The following THAP4 variants were observed in gnomAD, a reference collection of about 807,000 sequenced individuals.
THAP4 encodes the protein peroxynitrite isomerase THAP4.
In THAP4, 18 loss-of-function variants were observed where a neutral mutation model predicts 48.1. The observed-to-expected ratio is 0.37, with a 90% CI of 0.26 to 0.56. THAP4 has a LOEUF of 0.56. Among genes scored for constraint, THAP4 ranks in the 20% least tolerant of loss-of-function variants. The probability of loss-of-function intolerance (pLI) is 0.78; values close to 1 mark genes in which losing one functional copy is unlikely to be tolerated. For synonymous variants in THAP4, 345 were observed against 324.9 expected, an observed-to-expected ratio of 1.06 and a Z score of -0.66; for missense variants, 656 against 774.9, an observed-to-expected ratio of 0.85 and a Z score of 1.82.
chr2:241,589,511 G>A (rs1421390970), intron 5 of THAP4, among the ~76,000 whole-genome samples: 2 of 152,180 alleles, frequency 1.3e-5, no homozygotes, highest in Non-Finnish European at 1.5e-5. Flanking sequence ...TACTCAGCAG[G>A]GAAGTGCAAA....
chr2:241,613,343 G>A (rs957010033), intron 2 of THAP4, among the ~76,000 whole-genome samples: 2 of 151,680 alleles, frequency 1.3e-5, no homozygotes, highest in East Asian at 1.9e-4. Flanking sequence ...ATGCCTGGTC[G>A]TACAGGCATG....
chr2:241,588,647 C>T (rs958393251), intron 5 of THAP4, among the ~76,000 whole-genome samples: 10 of 152,180 alleles, frequency 6.6e-5, no homozygotes, highest in South Asian at 2.1e-4. Flanking sequence ...AGTTGATTTT[C>T]GACAAAAGCA....
At chr2:241,594,949 T>C (rs1484228381) in intron 5 of THAP4, among the ~76,000 whole-genome samples, 2 of 152,144 alleles carry the variant, frequency 1.3e-5, no homozygotes, top group African/African-American at 4.8e-5. Context: ...GGGTACACAG[T>C]GCTGTGAACA....
rs199732559 is a variant in THAP4, at chr2:241,633,531, C to T, written c.626G>A (p.Gly209Asp). The part of the protein sequence containing the change: ...DESATSSIEG[G>D]VTDKSGISMD... ...AGAAATGCCACTCTTATCTGTCACGCCCCCTTCGATGGAGGAAGTGGCGCT... is the reference window on the plus strand; with the variant it reads ...AGAAATGCCACTCTTATCTGTCACGTCCCCTTCGATGGAGGAAGTGGCGCT... The change falls in exon 2 of 6, where the codon GGC becomes GAC. Residue 209 changes from glycine (G) to aspartate (D), a missense_variant. This residue lies in a region of THAP4 where 391 missense variants were observed against 412.4 expected (regional missense o/e 0.95). Transcript: ENST00000407315. The surrounding 1 kb of genome is among the most constrained non-coding windows in gnomAD (Gnocchi z 7.5). The T allele has an allele frequency of 3.9e-5, 63 of 1,614,110 alleles. 2 individuals are homozygous for T. The South Asian group carries it at 4.7e-4, about 12-fold the overall frequency.
At position 241,601,253 on chromosome 2, in the gene THAP4, G is replaced by C. The variant is rs2067109707; in HGVS notation, c.1614+643C>G. Among the ~76,000 whole-genome samples the C allele has an allele frequency of 6.6e-6, 1 of 152,178 alleles. No homozygotes were observed. Among genetic ancestry groups the C allele is most frequent in the Non-Finnish European group, 1.5e-5 (1 of 68,026 alleles). ...AGATCCCACCTTTGCATTCCAGCCT[G>C]GGCAACAGAGCGAAACTCCGCCTCA... On this transcript the variant is annotated intron_variant, in intron 5 of 5. Transcript: ENST00000407315. The surrounding 1 kb of genome is among the most constrained non-coding windows in gnomAD (Gnocchi z 4.0).
chr2:241,589,954 A>C (rs2066937351), intron 5 of THAP4, among the ~76,000 whole-genome samples: 1 of 151,732 alleles, frequency 6.6e-6, no homozygotes, highest in Non-Finnish European at 1.5e-5. Context: ...ACTGATGATA[A>C]TGATGGGCAC....
At chr2:241,593,267 A>G (rs964746235) in intron 5 of THAP4, among the ~76,000 whole-genome samples, 2 of 152,112 alleles carry the variant, frequency 1.3e-5, no homozygotes, top group Admixed American at 6.5e-5. Flanking sequence ...AATAAAATAA[A>G]AAGTAAAAAA....
chr2:241,593,172 G>A (rs893253390), intron 5 of THAP4, among the ~76,000 whole-genome samples: 3 of 152,136 alleles, frequency 2.0e-5, no homozygotes, highest in Non-Finnish European at 2.9e-5. Context: ...TTGAGCCCAC[G>A]AGGTGCAGGC....
chr2:241,634,871 A>G (rs1446665660), intron 1 of THAP4, among the ~76,000 whole-genome samples: 1 of 152,224 alleles, frequency 6.6e-6, no homozygotes, highest in African/African-American at 2.4e-5. Context: ...AGGACATTAT[A>G]CTGAATGAAA....
chr2:241,584,778 A>G lies in THAP4; in HGVS notation c.1615-53T>C, dbSNP rs755125694. On this transcript the variant is annotated intron_variant, in intron 5 of 5. Transcript: ENST00000407315. ...CTTAGTTTTATCTTCAAAAGATTCA[A>G]TCAATGCCTGTGCGCCCACTGCATG... 9.3e-6 allele frequency: 15 copies of G among 1,610,834 alleles called. No homozygotes were observed. The Admixed American group carries it at 1.5e-4, about 16-fold the overall frequency.
chr2:241,616,654 A>T lies in THAP4; in HGVS notation c.1241-10181T>A, dbSNP rs2067352638. Among the ~76,000 whole-genome samples, 1 of 152,270 alleles carries T rather than the reference A, an allele frequency of 6.6e-6. No homozygotes were observed. Among genetic ancestry groups the T allele is most frequent in the Admixed American group, 6.5e-5 (1 of 15,288 alleles). On this transcript the variant is annotated intron_variant, in intron 2 of 5. Coordinates refer to ENST00000407315, the MANE Select transcript of THAP4 (RefSeq NM_015963.6). This position sits in a 1 kb window ranked among gnomAD's most constrained non-coding sequence, Gnocchi z 4.6. ...AGCACTTATGTGGCAATTTCTTTTT[A>T]AAAAACTAGAGAATTCTAAGATAGC...
chr2:241,593,328 G>A (rs950206834), intron 5 of THAP4, among the ~76,000 whole-genome samples: 32 of 152,312 alleles, frequency 2.1e-4, no homozygotes, highest in South Asian at 1.2e-3. Flanking sequence ...CCAGCAAGCC[G>A]GCACAGAGCT....
At chr2:241,596,408 G>A (rs1347198513) in intron 5 of THAP4, among the ~76,000 whole-genome samples, 2 of 149,716 alleles carry the variant, frequency 1.3e-5, no homozygotes, top group Non-Finnish European at 3.0e-5. Flanking sequence ...TTAGGAGGCT[G>A]AGGAAGGAGA....
At chr2:241,620,335 GT>G in intron 2 of THAP4, among the ~76,000 whole-genome samples, 1 of 101,432 alleles carries the variant, frequency 9.9e-6, no homozygotes, top group Non-Finnish European at 2.0e-5. Context: ...CGGTGAGTGA[GT>G]CAGTGAGTGA....
chr2:241,620,118 G>A, intron 2 of THAP4, among the ~76,000 whole-genome samples: 1 of 106,418 alleles, frequency 9.4e-6, no homozygotes, highest in African/African-American at 3.8e-5. Flanking sequence ...GGGGTGAGGG[G>A]TAAGTGAGTC....
chr2:241,625,365 C>T (rs1384984732), intron 2 of THAP4, among the ~76,000 whole-genome samples: 2 of 151,524 alleles, frequency 1.3e-5, no homozygotes, highest in Non-Finnish European at 2.9e-5. Context: ...GTCCCAGCTA[C>T]TCGAAAGGCT....
rs773405275 is a variant in THAP4 at position 241,633,810 on chromosome 2, G to A, written c.347C>T (p.Ser116Leu). The change falls in exon 2 of 6, where the codon TCG becomes TTG. Residue 116 changes from serine to leucine, a missense_variant. This residue lies in a region of THAP4 where 391 missense variants were observed against 412.4 expected (regional missense o/e 0.95). Coordinates refer to ENST00000407315, the MANE Select transcript of THAP4 (RefSeq NM_015963.6). This position sits in a 1 kb window ranked among gnomAD's most constrained non-coding sequence, Gnocchi z 7.5. ...AGCTCCTCTGCTGGTGGCGGCACTC[G>A]AGTGTCCCCTCACACCCCCTGTGGC... is the stretch of plus-strand genomic sequence containing the variant. The part of the protein sequence containing the change: ...SKATGGVRGH[S>L]SAATSRGAAG... 10 of 1,613,620 alleles carry A rather than the reference G, an allele frequency of 6.2e-6. No individual in the cohort carries two copies. The East Asian group carries it at 1.1e-4, about 18-fold the overall frequency.
At chr2:241,596,116 C>A (rs1372419793) in intron 5 of THAP4, among the ~76,000 whole-genome samples, 1 of 152,160 alleles carries the variant, frequency 6.6e-6, no homozygotes, top group Non-Finnish European at 1.5e-5. Flanking sequence ...TCCCAGTGAA[C>A]CTGGCTGGGG....
At chr2:241,629,828 G>A (rs1431119316) in intron 2 of THAP4, among the ~76,000 whole-genome samples, 1 of 151,632 alleles carries the variant, frequency 6.6e-6, no homozygotes, top group East Asian at 2.0e-4. Context: ...GAACCACAGG[G>A]GAGGTCTACC....
Sources: allele counts gnomAD v4.1 joint callset (sites outside exome capture counted in the v4.1 genomes callset), GRCh38; gene constraint gnomAD v4.1.1; regional missense constraint gnomAD v4.1.1; non-coding constraint Gnocchi (gnomAD v3.1); transcripts MANE v1.5; gene names NCBI Gene and HGNC (gene_info 2026-07-23, HGNC 2026-07-21).